The following TRIM44 variants were observed in gnomAD, a reference collection of about 807,000 sequenced individuals.
TRIM44 encodes the protein tripartite motif containing 44.
A neutral mutation model predicts 37.4 loss-of-function variants in TRIM44; 13 were observed. That is an observed-to-expected ratio of 0.35 (90% CI 0.23 to 0.55). The LOEUF (loss-of-function observed/expected upper bound fraction) is 0.55. Among genes scored for constraint, TRIM44 ranks in the 20% least tolerant of loss-of-function variants. TRIM44 has a pLI of 0.89. For synonymous variants in TRIM44, 175 were observed against 157.2 expected (o/e 1.11, Z -0.85); for missense variants, 426 against 437.2 (o/e 0.97, Z 0.23).
intron 3 of TRIM44, among the ~76,000 whole-genome samples, chr11:35,735,048 CAGTT>C (rs944650465): frequency 1.3e-5 from 2 of 152,156 alleles, no homozygotes; most frequent in Admixed American, 6.5e-5. Flanking sequence ...TTGAAGGAAA[CAGTT>C]TGATGTTTTT....
chr11:35,781,816 A>T (rs1375485013), intron 4 of TRIM44, among the ~76,000 whole-genome samples: 1 of 152,234 alleles, frequency 6.6e-6, no homozygotes, highest in Non-Finnish European at 1.5e-5. Flanking sequence ...TTTTAAAATG[A>T]TAAAAGTCAC....
chr11:35,690,998 T>C (rs1851631050), intron 2 of TRIM44, among the ~76,000 whole-genome samples: 1 of 152,200 alleles, frequency 6.6e-6, no homozygotes, highest in Non-Finnish European at 1.5e-5. Flanking sequence ...AACTGATTAT[T>C]TTTTTAATCA....
intron 1 of TRIM44, among the ~76,000 whole-genome samples, chr11:35,680,842 A>G (rs981206347): frequency 6.6e-6 from 1 of 152,240 alleles, no homozygotes; most frequent in Admixed American, 6.5e-5. Flanking sequence ...TATTTTAATC[A>G]TGAGTGAGTC....
Position 35,691,494 on chromosome 11 carries a change from G to A in TRIM44, c.747+6158G>A, listed in dbSNP as rs376919942. 1.7e-3 allele frequency among the ~76,000 whole-genome samples: 253 copies of A among 152,284 alleles called. 2 individuals carry two copies. The South Asian group carries it at 0.049, about 29-fold the overall frequency. ...AAATATTATGTCAAAAATGCATTTA[G>A]TACATCCAACCTACTGAACATCATA... On this transcript the variant is annotated intron_variant, in intron 2 of 4. Transcript: ENST00000299413.
In TRIM44 at chr11:35,809,217, T is replaced by C. The variant is rs1853497370; in HGVS notation, c.*2832T>C. 6.6e-6 allele frequency: 1 copy of C among 152,144 alleles called. No individual in the cohort carries two copies. Among genetic ancestry groups the C allele is most frequent in the Non-Finnish European group, 1.5e-5 (1 of 68,020 alleles). The allele number at this position is 152,144 out of a possible 1,614,324, so 9.4% of individuals were successfully genotyped here. ...GCCAGGCCCTGAGCTGTCTCTTAGA[T>C]AATAAAACAGATGGGGAGTGGAAGA... On this transcript the variant is annotated 3_prime_UTR_variant, in exon 5 of 5. Transcript: ENST00000299413.
chr11:35,815,936 A>G lies in TRIM44; in HGVS notation c.*9551A>G, dbSNP rs1853576215. ...ACAATTTTACAATGACTTACTTCTAATAATCACTGAAACAGCCTCATGAGG... is the reference window on the plus strand; with the variant it reads ...ACAATTTTACAATGACTTACTTCTAGTAATCACTGAAACAGCCTCATGAGG... On this transcript the variant is annotated 3_prime_UTR_variant, in exon 5 of 5. Transcript: ENST00000299413. 6.6e-6 allele frequency: 1 copy of G among 152,204 alleles called. No homozygotes were observed. Among genetic ancestry groups the G allele is most frequent in the East Asian group, 1.9e-4 (1 of 5,200 alleles). 9.4% of individuals were successfully genotyped at this position (152,204 alleles called of 1,614,324 possible). A position where few individuals can be genotyped will look rare whatever the true frequency, so the allele number is the denominator to read the frequency against.
intron 4 of TRIM44, among the ~76,000 whole-genome samples, chr11:35,797,045 G>T (rs1853302128): frequency 6.6e-6 from 1 of 152,176 alleles, no homozygotes; most frequent in African/African-American, 2.4e-5. Context: ...TGTGTTCTTT[G>T]CAGAATATCT....
At chr11:35,762,683 A>G (rs905053562) in intron 4 of TRIM44, among the ~76,000 whole-genome samples, 1 of 152,166 alleles carries the variant, frequency 6.6e-6, no homozygotes, top group African/African-American at 2.4e-5. Context: ...AAACTCAAGC[A>G]GTTGTAAGCA....
chr11:35,750,209 TA>T (rs1219611264), intron 4 of TRIM44, among the ~76,000 whole-genome samples: 1 of 152,200 alleles, frequency 6.6e-6, no homozygotes, highest in Non-Finnish European at 1.5e-5. Flanking sequence ...GGAGCTATAG[TA>T]GAAACCAGAA....
chr11:35,778,308 A>G (rs931119276), intron 4 of TRIM44, among the ~76,000 whole-genome samples: 1 of 152,166 alleles, frequency 6.6e-6, no homozygotes, highest in Non-Finnish European at 1.5e-5. Flanking sequence ...CAGCTCCATC[A>G]GGTCATTTAA....
chr11:35,699,778 C>G (rs1394711773), intron 2 of TRIM44, among the ~76,000 whole-genome samples: 2 of 151,780 alleles, frequency 1.3e-5, no homozygotes, highest in Non-Finnish European at 2.9e-5. Context: ...AATCAATGTG[C>G]AAAAATCACA....
intron 2 of TRIM44, among the ~76,000 whole-genome samples, chr11:35,705,040 A>G (rs1379654654): frequency 1.2e-4 from 18 of 148,928 alleles, no homozygotes; most frequent in African/African-American, 4.5e-4. Context: ...AGACACACAT[A>G]GGCTCAAAAT....
chr11:35,778,610 C>A (rs1000998478), intron 4 of TRIM44, among the ~76,000 whole-genome samples: 2 of 152,138 alleles, frequency 1.3e-5, no homozygotes, highest in African/African-American at 2.4e-5. Context: ...TACCTGTAGT[C>A]TTTGATGATG....
At chr11:35,688,901 A>T (rs1397004169) in intron 2 of TRIM44, among the ~76,000 whole-genome samples, 1 of 152,152 alleles carries the variant, frequency 6.6e-6, no homozygotes, top group Non-Finnish European at 1.5e-5. Flanking sequence ...GTTTTCCTCT[A>T]TGTTTGCTAA....
chr11:35,764,304 C>T (rs1852765014), intron 4 of TRIM44, among the ~76,000 whole-genome samples: 1 of 152,212 alleles, frequency 6.6e-6, no homozygotes, highest in African/African-American at 2.4e-5. Flanking sequence ...CTTCTGCTCA[C>T]CATTACAGTA....
chr11:35,765,887 G>A (rs1012173883), intron 4 of TRIM44, among the ~76,000 whole-genome samples: 13 of 152,044 alleles, frequency 8.6e-5, no homozygotes, highest in African/African-American at 2.9e-4. Context: ...TACTGTGTTT[G>A]TCGGAGACTA....
intron 2 of TRIM44, among the ~76,000 whole-genome samples, chr11:35,696,162 G>A (rs1355593254): frequency 1.4e-5 from 2 of 143,872 alleles, no homozygotes; most frequent in African/African-American, 2.6e-5. Flanking sequence ...TTTTTGAGAC[G>A]GAGTCTCGAG....
rs117797474 is a variant in TRIM44 at position 35,730,987 on chromosome 11, C to T, written c.988-4439C>T. Among the ~76,000 whole-genome samples the T allele has an allele frequency of 4.5e-3, 676 of 151,644 alleles. 2 individuals are homozygous for T. The highest frequency in any genetic ancestry group is 6.6e-3 in the Non-Finnish European group (450 of 67,958). The stretch of plus-strand genomic sequence containing the variant: ...ATTCACCTATTAGTTATAATAGTGG[C>T]TTTATAGATTCTTTAGGATTTTCTA... On this transcript the variant is annotated intron_variant, in intron 3 of 4. Coordinates refer to ENST00000299413, the MANE Select transcript of TRIM44 (RefSeq NM_017583.6).
chr11:35,774,026 A>C (rs938399275), intron 4 of TRIM44, among the ~76,000 whole-genome samples: 1 of 152,200 alleles, frequency 6.6e-6, no homozygotes, highest in Non-Finnish European at 1.5e-5. Context: ...TTCTAGTTCT[A>C]AATCCTTGAG....
Sources: gnomAD v4.1 joint callset for allele counts (sites outside exome capture counted in the v4.1 genomes callset) on GRCh38, gnomAD v4.1.1 for gene constraint, MANE v1.5 for transcripts, NCBI Gene and HGNC (gene_info 2026-07-23, HGNC 2026-07-21) for gene names.